The following NCAPH variants were observed in gnomAD, a reference collection of about 807,000 sequenced individuals.
NCAPH encodes condensin complex subunit 2.
NCAPH carries 38 observed loss-of-function variants against 85.5 expected under a neutral mutation model. The observed-to-expected ratio is 0.44, with a 90% CI of 0.34 to 0.58. The LOEUF is 0.58. NCAPH is among the 20% of genes least tolerant of loss of function. The probability of loss-of-function intolerance (pLI) is 0.01; values close to 1 mark genes in which losing one functional copy is unlikely to be tolerated. For synonymous variants in NCAPH, 301 were observed against 335.1 expected (o/e 0.90, Z 1.11); for missense variants, 789 against 916.6 (o/e 0.86, Z 1.80).
intron 12 of NCAPH, among the ~76,000 whole-genome samples, chr2:96,362,457 C>A (rs1383386554): frequency 6.6e-6 from 1 of 152,144 alleles, no homozygotes; most frequent in African/African-American, 2.4e-5. Context: ...TGGCGAAACC[C>A]CGTCTCTACT....
Position 96,343,363 on chromosome 2 carries a change from T to A in NCAPH, c.595+59T>A, listed in dbSNP as rs1315988003. ...TTTTTAGGGCATACCAGGTAGTTAC[T>A]TGAGTAATATACTAGAAGAAGGTCA... On this transcript the variant is annotated intron_variant, in intron 5 of 17. Coordinates refer to ENST00000240423, the MANE Select transcript of NCAPH (RefSeq NM_015341.5). 18 of 1,527,022 alleles carry A rather than the reference T, an allele frequency of 1.2e-5. No individual in the cohort carries two copies. The East Asian group carries it at 3.9e-4, about 33-fold the overall frequency. The allele number at this position is 1,527,022 out of a possible 1,614,324, so 94.6% of individuals were successfully genotyped here. A position where few individuals can be genotyped will look rare whatever the true frequency, so the allele number is the denominator to read the frequency against.
intron 4 of NCAPH, 80 bp downstream of exon 4, chr2:96,342,928 C>A: frequency 7.6e-7 from 1 of 1,315,318 alleles, no homozygotes; most frequent in Non-Finnish European, 1.1e-6. Context: ...CAGTTGAATG[C>A]TGCAAATACA....
intron 1 of NCAPH, among the ~76,000 whole-genome samples, chr2:96,337,035 T>G (rs1474168367): frequency 6.6e-6 from 1 of 152,162 alleles, no homozygotes; most frequent in Non-Finnish European, 1.5e-5. Context: ...AAGATAGTTC[T>G]CATGAAGTTG....
At chr2:96,349,485 A>G (rs1007503793) in intron 6 of NCAPH, among the ~76,000 whole-genome samples, 7 of 151,920 alleles carry the variant, frequency 4.6e-5, no homozygotes, top group Admixed American at 2.0e-4. Flanking sequence ...GGGTTCAAGC[A>G]ATTCTCCTGC....
rs1231472637 is a variant in NCAPH at position 96,374,231 on chromosome 2, G to A, written c.*880G>A. 2.0e-5 allele frequency among the ~76,000 whole-genome samples: 3 copies of A among 152,220 alleles called. No homozygotes were observed. The highest frequency in any genetic ancestry group is 4.4e-5 in the Non-Finnish European group (3 of 68,036). ...AACTGTCAGGGGTGGCCTGAGCCTG[G>A]CAATCTGCCTCCAGAGTCTGCTCTC... On this transcript the variant is annotated 3_prime_UTR_variant, in exon 18 of 18. Coordinates refer to ENST00000240423, the MANE Select transcript of NCAPH (RefSeq NM_015341.5).
intron 1 of NCAPH, 106 bp downstream of exon 1, chr2:96,335,954 C>A (rs188935065): frequency 8.8e-6 from 11 of 1,243,256 alleles, no homozygotes; most frequent in South Asian, 2.0e-5. Context: ...AGGATATGCT[C>A]AGCTCGGGTC....
chr2:96,347,111 G>A (rs183362808), intron 6 of NCAPH, among the ~76,000 whole-genome samples: 70 of 152,226 alleles, frequency 4.6e-4, no homozygotes, highest in Middle Eastern at 6.8e-3. Flanking sequence ...CAGAGCTGGG[G>A]CATTAGAAAT....
intron 6 of NCAPH, 31 bp downstream of exon 6, chr2:96,344,260 G>T: frequency 6.3e-7 from 1 of 1,576,654 alleles, no homozygotes; most frequent in South Asian, 1.2e-5. Context: ...TGTGGTTTCT[G>T]ACTAATTCAG....
intron 6 of NCAPH, among the ~76,000 whole-genome samples, chr2:96,344,453 G>A (rs1403265461): frequency 6.6e-6 from 1 of 152,200 alleles, no homozygotes; most frequent in African/African-American, 2.4e-5. Context: ...ACTGCAAATT[G>A]CTGAGAAATC....
chr2:96,349,114 GC>G (rs2064402029), intron 6 of NCAPH, among the ~76,000 whole-genome samples: 1 of 152,152 alleles, frequency 6.6e-6, no homozygotes, highest in African/African-American at 2.4e-5. Flanking sequence ...GCCTGCATTA[GC>G]TTTTCCCATG....
At chr2:96,351,685 A>G (rs1007279310) in intron 6 of NCAPH, 146 bp from the exon 7 acceptor site, 3 of 633,762 alleles carry the variant, frequency 4.7e-6, no homozygotes, top group Non-Finnish European at 7.3e-6. Flanking sequence ...AAAAAAAAAA[A>G]CAAAAACAAA....
In NCAPH at chr2:96,354,112, G is replaced by C. The variant is rs968384982; in HGVS notation, c.1003-71G>C. On this transcript the variant is annotated intron_variant, in intron 8 of 17. Transcript: ENST00000240423. Reference sequence around the variant, plus strand: ...GAAACTGAAATTTAAGGGTGAGAAGGCTGTCCCTCCAGTGGTGATTTGGGG... The same window carrying C: ...GAAACTGAAATTTAAGGGTGAGAAGCCTGTCCCTCCAGTGGTGATTTGGGG... 6.9e-6 allele frequency: 10 copies of C among 1,445,714 alleles called. No individual in the cohort carries two copies. The African/African-American group carries it at 8.4e-5, about 12-fold the overall frequency. The allele number at this position is 1,445,714 out of a possible 1,614,324, so 89.6% of individuals were successfully genotyped here. A position where few individuals can be genotyped will look rare whatever the true frequency, so the allele number is the denominator to read the frequency against.
intron 12 of NCAPH, among the ~76,000 whole-genome samples, chr2:96,364,215 CTG>C (rs746227276): frequency 2.0e-5 from 3 of 152,166 alleles, no homozygotes; most frequent in Non-Finnish European, 2.9e-5. Context: ...TCAGGTAAAA[CTG>C]TGCAGAAGGC....
rs1473457767 is a variant in NCAPH, at chr2:96,374,479, G to C, written c.*1128G>C. 1.3e-5 allele frequency among the ~76,000 whole-genome samples: 2 copies of C among 152,162 alleles called. No homozygotes were observed. The highest frequency in any genetic ancestry group is 4.8e-5 in the African/African-American group (2 of 41,438). On this transcript the variant is annotated 3_prime_UTR_variant, in exon 18 of 18. Coordinates refer to ENST00000240423, the MANE Select transcript of NCAPH (RefSeq NM_015341.5). ...TGTTACTGGCTGGTCCTGGATCTCT[G>C]CCAGAACACCCGTCATCATTGACTG...
intron 17 of NCAPH, among the ~76,000 whole-genome samples, chr2:96,370,101 T>C (rs1407441381): frequency 6.6e-6 from 1 of 152,150 alleles, no homozygotes; most frequent in South Asian, 2.1e-4. Flanking sequence ...CGAGTGGTAC[T>C]ACCCAGGGAT....
In NCAPH at chr2:96,344,152, A is replaced by G. The variant is rs1446359931; in HGVS notation, c.643A>G (p.Lys215Glu). The G allele has an allele frequency of 1.2e-6, 2 of 1,613,590 alleles. No individual in the cohort carries two copies. Among genetic ancestry groups the G allele is most frequent in the Non-Finnish European group, 1.7e-6 (2 of 1,179,924 alleles). ...AACAACCAAAAAGGCTGTAAAGCCAAAGAAGAAGCACTTACACAGAACTAT... is the reference window on the plus strand; with the variant it reads ...AACAACCAAAAAGGCTGTAAAGCCAGAGAAGAAGCACTTACACAGAACTAT... ...MGTTKKAVKP[K>E]KKHLHRTIEQ... The change falls in exon 6 of 18, where the codon AAG becomes GAG. Residue 215 changes from lysine to glutamate, a missense_variant. By Grantham distance (56) the Lys-to-Glu change is moderately conservative. Coordinates refer to ENST00000240423, the MANE Select transcript of NCAPH (RefSeq NM_015341.5).
chr2:96,359,225 G>T lies in NCAPH; in HGVS notation c.1357+32G>T, dbSNP rs745459181. On this transcript the variant is annotated intron_variant, in intron 10 of 17. Transcript: ENST00000240423. ...AATTCTAGGTGGAATTTTAAGAAAA[G>T]AAGTAGTGTAGATGACCAGCCAGTC... The T allele has an allele frequency of 3.1e-6, 5 of 1,611,844 alleles. No homozygotes were observed. The South Asian group carries it at 3.3e-5, about 11-fold the overall frequency.
At chr2:96,358,686 T>C (rs576240417) in intron 9 of NCAPH, among the ~76,000 whole-genome samples, 3 of 152,318 alleles carry the variant, frequency 2.0e-5, no homozygotes, top group African/African-American at 7.2e-5. Flanking sequence ...GCCAGGGTGG[T>C]CTCGATCTCC....
chr2:96,369,409 G>T lies in NCAPH; in HGVS notation c.2091-16G>T. The T allele has an allele frequency of 6.2e-7, 1 of 1,610,988 alleles. No homozygotes were observed. Among genetic ancestry groups the T allele is most frequent in the South Asian group, 1.1e-5 (1 of 91,008 alleles). The stretch of plus-strand genomic sequence containing the variant: ...ACAGTTGGCAGTGACCTAAATACTT[G>T]CCCCTTTCTTTCCAGCCTGCCCCCT... On this transcript the variant is annotated splice_polypyrimidine_tract_variant and intron_variant, in intron 16 of 17. Transcript: ENST00000240423.
Sources: allele counts gnomAD v4.1 joint callset (sites outside exome capture counted in the v4.1 genomes callset), GRCh38; gene constraint gnomAD v4.1.1; transcripts MANE v1.5; gene names NCBI Gene and HGNC (gene_info 2026-07-23, HGNC 2026-07-21).